SPATS2L: variants seen among roughly 807,000 people sequenced by gnomAD.
SPATS2L encodes the protein spermatogenesis associated serine rich 2 like.
SPATS2L carries 30 observed loss-of-function variants against 59.6 expected under a neutral mutation model. That is an observed-to-expected ratio of 0.50 (90% CI 0.38 to 0.68). SPATS2L has a LOEUF of 0.68. Among genes scored for constraint, SPATS2L ranks in the 30% least tolerant of loss-of-function variants. The pLI is 0.00. For synonymous variants in SPATS2L, 252 were observed against 263.5 expected, an observed-to-expected ratio of 0.96 and a Z score of 0.42; for missense variants, 615 against 700.0, an observed-to-expected ratio of 0.88 and a Z score of 1.37.
chr2:200,336,163 C>A lies in SPATS2L; in HGVS notation c.-23+6683C>A, dbSNP rs539313883. Among the ~76,000 whole-genome samples, 135 of 152,244 alleles carry A rather than the reference C, an allele frequency of 8.9e-4. 2 individuals are homozygous for A. Among genetic ancestry groups the A allele is most frequent in the African/African-American group, 3.1e-3 (128 of 41,544 alleles). ...GCAAAGCTTTGCATGAACTTTTTGT[C>A]AGCCACGTTATGAGTTAATGACAGG... is the stretch of plus-strand genomic sequence containing the variant. On this transcript the variant is annotated intron_variant, in intron 2 of 12. Transcript: ENST00000409140.
Position 200,468,507 on chromosome 2 carries a change from A to T in SPATS2L, c.957+1108A>T, listed in dbSNP as rs576329379. Among the ~76,000 whole-genome samples the T allele has an allele frequency of 5.8e-4, 89 of 152,292 alleles. 1 individual carries two copies. The highest frequency in any genetic ancestry group is 6.6e-4 in the Non-Finnish European group (45 of 68,022). On this transcript the variant is annotated intron_variant, in intron 10 of 12. Transcript: ENST00000409140. ...TGGCAATGATTGACAGTGGCAAGTG[A>T]CTTTTCAACTCCCTCCCTCCTGGTT...
intron 2 of SPATS2L, among the ~76,000 whole-genome samples, chr2:200,367,899 GT>G (rs1461560105): frequency 6.6e-6 from 1 of 152,182 alleles, no homozygotes; most frequent in Non-Finnish European, 1.5e-5. Flanking sequence ...TATAAACAAT[GT>G]AGTATTTTGT....
chr2:200,344,097 G>A (rs2080427589), intron 2 of SPATS2L, among the ~76,000 whole-genome samples: 1 of 151,564 alleles, frequency 6.6e-6, no homozygotes. Context: ...ATAGATTTGA[G>A]GGTGCATGTC....
At chr2:200,422,118 C>A (rs1385426368) in intron 6 of SPATS2L, among the ~76,000 whole-genome samples, 2 of 152,200 alleles carry the variant, frequency 1.3e-5, no homozygotes, top group Non-Finnish European at 2.9e-5. Flanking sequence ...AGAATTATTT[C>A]TTGCACAGTG....
At chr2:200,350,197 G>T (rs1426958907) in intron 2 of SPATS2L, among the ~76,000 whole-genome samples, 1 of 152,146 alleles carries the variant, frequency 6.6e-6, no homozygotes, top group African/African-American at 2.4e-5. Context: ...GGGGTTCTTT[G>T]GTGGCCAGAC....
intron 2 of SPATS2L, among the ~76,000 whole-genome samples, chr2:200,353,812 G>A (rs978282099): frequency 6.6e-6 from 1 of 152,176 alleles, no homozygotes; most frequent in Non-Finnish European, 1.5e-5. Context: ...CACCACTATT[G>A]TAGGAAACTA....
At chr2:200,477,579 C>A in intron 12 of SPATS2L, 57 bp from the exon 13 acceptor site, 6 of 1,033,558 alleles carry the variant, frequency 5.8e-6, no homozygotes, top group Non-Finnish European at 7.8e-6. Flanking sequence ...CTGATGTCTA[C>A]TGGTGTCATC....
intron 2 of SPATS2L, chr2:200,378,512 C>A (rs2081678675): frequency 2.1e-6 from 1 of 481,568 alleles, no homozygotes. Context: ...CCACCAAGTG[C>A]CAGTGCGTTT....
At chr2:200,464,538 T>C (rs1408132027) in intron 9 of SPATS2L, among the ~76,000 whole-genome samples, 1 of 152,198 alleles carries the variant, frequency 6.6e-6, no homozygotes, top group Non-Finnish European at 1.5e-5. Context: ...GTCTCACAAA[T>C]GATCCATGAA....
At position 200,435,170 on chromosome 2, in the gene SPATS2L, C is replaced by T. The variant is rs181149352; in HGVS notation, c.446-3952C>T. Among the ~76,000 whole-genome samples, 277 of 152,280 alleles carry T rather than the reference C, an allele frequency of 1.8e-3. 1 individual carries two copies. The highest frequency in any genetic ancestry group is 0.013 in the Admixed American group (206 of 15,288). On this transcript the variant is annotated intron_variant, in intron 6 of 12. Coordinates refer to ENST00000409140, the MANE Select transcript of SPATS2L (RefSeq NM_001100423.2). Reference sequence around the variant, plus strand: ...CTATTAATAAACCAGAGCTGATACACTGTGCACTCTCCATATGTGTCTGTT... The same window carrying T: ...CTATTAATAAACCAGAGCTGATACATTGTGCACTCTCCATATGTGTCTGTT...
At chr2:200,395,715 A>C (rs907050045) in intron 3 of SPATS2L, among the ~76,000 whole-genome samples, 2 of 152,104 alleles carry the variant, frequency 1.3e-5, no homozygotes, top group African/African-American at 4.8e-5. Context: ...AAAGAGCTCT[A>C]GTTAATTAAC....
At position 200,360,943 on chromosome 2, in the gene SPATS2L, A is replaced by G. The variant is rs139660013; in HGVS notation, c.-22-28280A>G. On this transcript the variant is annotated intron_variant, in intron 2 of 12. Transcript: ENST00000409140. The stretch of plus-strand genomic sequence containing the variant: ...TCATCTGGTTTCCCAATGGTAGGAT[A>G]GAACAGAACAGAGCAGAACAGGGCT... Among the ~76,000 whole-genome samples, 37 of 150,414 alleles carry G rather than the reference A, an allele frequency of 2.5e-4. No individual in the cohort carries two copies. The East Asian group carries it at 7.2e-3, about 29-fold the overall frequency.
At chr2:200,461,152 T>G (rs1468079533) in intron 9 of SPATS2L, 2 of 152,174 alleles carry the variant, frequency 1.3e-5, no homozygotes, top group African/African-American at 4.8e-5. Flanking sequence ...GTTCATGAAC[T>G]TCGTCAAATA....
At chr2:200,466,349 CAT>C (rs1009849062) in intron 9 of SPATS2L, among the ~76,000 whole-genome samples, 2 of 152,198 alleles carry the variant, frequency 1.3e-5, no homozygotes, top group Admixed American at 1.3e-4. Context: ...GAAGGCAATT[CAT>C]ATGAGTCGAA....
intron 2 of SPATS2L, among the ~76,000 whole-genome samples, chr2:200,335,220 A>G (rs990863212): frequency 6.6e-6 from 1 of 152,168 alleles, no homozygotes; most frequent in Non-Finnish European, 1.5e-5. Flanking sequence ...GGCTGAAACA[A>G]TAAAGAAAAG....
At position 200,318,415 on chromosome 2, in the gene SPATS2L, G is replaced by A. The variant is rs558108305; in HGVS notation, c.-72-11016G>A. Among the ~76,000 whole-genome samples the A allele has an allele frequency of 2.6e-5, 4 of 152,186 alleles. No individual in the cohort carries two copies. The South Asian group carries it at 6.2e-4, about 24-fold the overall frequency. ...CATATCAAAATCATGAACACTCAAGGAGACCATGTAAATCTACGTCCTCAA... is the reference window on the plus strand; with the variant it reads ...CATATCAAAATCATGAACACTCAAGAAGACCATGTAAATCTACGTCCTCAA... On this transcript the variant is annotated intron_variant, in intron 1 of 12. Transcript: ENST00000409140.
At chr2:200,359,913 T>G (rs904394104) in intron 2 of SPATS2L, among the ~76,000 whole-genome samples, 1 of 152,226 alleles carries the variant, frequency 6.6e-6, no homozygotes, top group African/African-American at 2.4e-5. Flanking sequence ...TCTACAGTAC[T>G]GAAATTCTAG....
chr2:200,378,927 A>G (rs917798257), intron 2 of SPATS2L, among the ~76,000 whole-genome samples: 1 of 152,206 alleles, frequency 6.6e-6, no homozygotes, highest in Non-Finnish European at 1.5e-5. Context: ...TTTAAAAAGC[A>G]TACAGCCCCA....
chr2:200,434,837 G>T (rs754346774), intron 6 of SPATS2L, among the ~76,000 whole-genome samples: 1 of 151,942 alleles, frequency 6.6e-6, no homozygotes, highest in Non-Finnish European at 1.5e-5. Context: ...GTTGAAATAG[G>T]CAAATTGATT....
Sources: allele counts gnomAD v4.1 joint callset (sites outside exome capture counted in the v4.1 genomes callset), GRCh38; gene constraint gnomAD v4.1.1; transcripts MANE v1.5; gene names NCBI Gene and HGNC (gene_info 2026-07-23, HGNC 2026-07-21).